The following AMPH variants were observed in gnomAD, a reference collection of about 807,000 sequenced individuals.
AMPH encodes amphiphysin (Stiff-Mann syndrome with breast cancer 128kD autoantigen).
Under a neutral mutation model 99.1 loss-of-function variants are expected in AMPH, and 49 were observed. The ratio of observed to expected loss-of-function variants is 0.49; its 90% CI spans 0.39 to 0.63. The LOEUF (loss-of-function observed/expected upper bound fraction) is 0.63. AMPH is among the 20% of genes least tolerant of loss of function. AMPH has a pLI of 0.00. For synonymous variants in AMPH, 314 were observed against 317.3 expected (o/e 0.99, Z 0.11); for missense variants, 759 against 863.4 (o/e 0.88, Z 1.52).
chr7:38,590,372 G>GGTCTGTGATGGCGGAAGTCAGCAGCA (rs1792811621), intron 1 of AMPH, among the ~76,000 whole-genome samples: 1 of 151,892 alleles, frequency 6.6e-6, no homozygotes, highest in African/African-American at 2.4e-5. Flanking sequence ...AGTCAGCAGC[G>GGTCTGTGATGGCGGAAGTCAGCAGCA]GGTCTGTGAT....
At chr7:38,406,625 T>C (rs966921800) in intron 17 of AMPH, among the ~76,000 whole-genome samples, 1 of 151,512 alleles carries the variant, frequency 6.6e-6, no homozygotes, top group African/African-American at 2.4e-5. Context: ...TCAATGTGAA[T>C]GGGCACCATC....
At chr7:38,445,471 T>C (rs1427498120) in intron 11 of AMPH, among the ~76,000 whole-genome samples, 1 of 152,142 alleles carries the variant, frequency 6.6e-6, no homozygotes, top group African/African-American at 2.4e-5. Context: ...GCCAAGAGAA[T>C]GAAAAGAAAG....
chr7:38,543,694 A>C (rs1188805726), intron 1 of AMPH, among the ~76,000 whole-genome samples: 1 of 152,178 alleles, frequency 6.6e-6, no homozygotes. Context: ...GCTGGTATGT[A>C]ACCAAGTTTA....
intron 1 of AMPH, among the ~76,000 whole-genome samples, chr7:38,549,320 T>TAGGTACATAAGAGACA (rs1368236793): frequency 6.6e-6 from 1 of 152,192 alleles, no homozygotes; most frequent in Non-Finnish European, 1.5e-5. Flanking sequence ...ACCAATTTCA[T>TAGGTACATAAGAGACA]AGGTACATAA....
At chr7:38,503,786 A>G in intron 2 of AMPH, 82 bp from the exon 3 acceptor site, 1 of 1,387,756 alleles carries the variant, frequency 7.2e-7, no homozygotes. Flanking sequence ...TCTCAAAGTT[A>G]CTATTGCCAG....
At chr7:38,603,757 C>A (rs1793336310) in intron 1 of AMPH, among the ~76,000 whole-genome samples, 2 of 152,188 alleles carry the variant, frequency 1.3e-5, no homozygotes, top group Admixed American at 1.3e-4. Flanking sequence ...GCCCTCCCTG[C>A]TCATGCAGTC....
intron 1 of AMPH, among the ~76,000 whole-genome samples, chr7:38,613,031 T>G (rs985205139): frequency 3.3e-5 from 5 of 152,196 alleles, no homozygotes; most frequent in Non-Finnish European, 1.5e-5. Flanking sequence ...ATATTAGTTC[T>G]GACTCTAACT....
intron 1 of AMPH, among the ~76,000 whole-genome samples, chr7:38,563,792 A>C (rs1791635978): frequency 6.6e-6 from 1 of 152,252 alleles, no homozygotes; most frequent in Non-Finnish European, 1.5e-5. Context: ...TCTTATCTCA[A>C]AGACCAGCAA....
At chr7:38,603,314 C>CA (rs59085219) in intron 1 of AMPH, among the ~76,000 whole-genome samples, 7,720 of 94,774 alleles carry the variant, frequency 0.081, 424 homozygotes, top group African/African-American at 0.14. Context: ...GACTCTGTCT[C>CA]AAAAAAAAAA....
chr7:38,461,225 G>A (rs2129008038), intron 11 of AMPH, 58 bp downstream of exon 11: 1 of 1,603,058 alleles, frequency 6.2e-7, no homozygotes, highest in Admixed American at 1.7e-5. Flanking sequence ...GCTAGCCCCT[G>A]AGAGTCCTTC....
intron 2 of AMPH, among the ~76,000 whole-genome samples, chr7:38,507,334 C>T (rs1017050548): frequency 6.6e-6 from 1 of 152,068 alleles, no homozygotes; most frequent in Non-Finnish European, 1.5e-5. Context: ...ATTTAAATGA[C>T]TTTCTTCTTT....
chr7:38,583,097 C>T (rs1036829406), intron 1 of AMPH, among the ~76,000 whole-genome samples: 6 of 152,082 alleles, frequency 3.9e-5, no homozygotes, highest in African/African-American at 1.4e-4. Flanking sequence ...ACCACCATCC[C>T]GCTTATTCAT....
chr7:38,490,217 T>C (rs1312901406), intron 5 of AMPH, among the ~76,000 whole-genome samples: 1 of 152,174 alleles, frequency 6.6e-6, no homozygotes, highest in Non-Finnish European at 1.5e-5. Flanking sequence ...TTCACACCTG[T>C]TAATTAGGTT....
At chr7:38,476,598 A>G (rs1487208809) in intron 6 of AMPH, among the ~76,000 whole-genome samples, 1 of 152,226 alleles carries the variant, frequency 6.6e-6, no homozygotes, top group African/African-American at 2.4e-5. Flanking sequence ...GGAAGTGCAG[A>G]CACACTACTT....
intron 2 of AMPH, among the ~76,000 whole-genome samples, chr7:38,522,732 G>A (rs932447669): frequency 1.3e-5 from 2 of 152,114 alleles, no homozygotes; most frequent in Non-Finnish European, 2.9e-5. Context: ...TTACATAAGG[G>A]AGACTGCACA....
At chr7:38,528,527 G>A (rs1482450909) in intron 2 of AMPH, among the ~76,000 whole-genome samples, 1 of 152,112 alleles carries the variant, frequency 6.6e-6, no homozygotes, top group African/African-American at 2.4e-5. Context: ...AAAGTTGCTT[G>A]TATTATTCCC....
intron 1 of AMPH, among the ~76,000 whole-genome samples, chr7:38,565,330 C>T (rs143490405): frequency 0.032 from 4,848 of 152,154 alleles, 112 homozygotes; most frequent in Non-Finnish European, 0.046. Context: ...TAACAAAATA[C>T]CACAGACTGG....
intron 11 of AMPH, among the ~76,000 whole-genome samples, chr7:38,458,687 C>A (rs749557072): frequency 6.6e-6 from 1 of 152,098 alleles, no homozygotes; most frequent in African/African-American, 2.4e-5. Context: ...TCTCAACCAA[C>A]TAGGAAATAG....
At chr7:38,533,569 G>A (rs2129040029) in intron 2 of AMPH, among the ~76,000 whole-genome samples, 1 of 152,276 alleles carries the variant, frequency 6.6e-6, no homozygotes, top group Non-Finnish European at 1.5e-5. Context: ...GAGAGAAAGA[G>A]CAGGAACCCT....
Sources: allele counts gnomAD v4.1 joint callset (sites outside exome capture counted in the v4.1 genomes callset), GRCh38; gene constraint gnomAD v4.1.1; transcripts MANE v1.5; gene names NCBI Gene and HGNC (gene_info 2026-07-23, HGNC 2026-07-21).